GAS7: variants seen among roughly 807,000 people sequenced by gnomAD.
GAS7 encodes growth arrest specific 7.
GAS7 carries 28 observed loss-of-function variants against 71.1 expected under a neutral mutation model. The observed-to-expected ratio is 0.39, with a 90% CI of 0.29 to 0.54. The LOEUF is 0.54. GAS7 is among the 20% of genes least tolerant of loss of function. The pLI is 0.62. For missense variants in GAS7, 436 were observed against 627.8 expected (o/e 0.69, Z 3.27); for synonymous variants, 258 against 245.8 (o/e 1.05, Z -0.46).
chr17:9,974,836 C>A lies in GAS7; in HGVS notation c.386-5074G>T, dbSNP rs1347540779. On this transcript the variant is annotated intron_variant, in intron 3 of 13. Transcript: ENST00000432992. The surrounding 1 kb of genome is among the most constrained non-coding windows in gnomAD (Gnocchi z 4.0). ...CAAAGAAGCGCCAGCAGCTCCGCCA[C>A]CCAGGGCTCACCCCCACCCACAGCT... Among the ~76,000 whole-genome samples, 1 of 152,164 alleles carries A rather than the reference C, an allele frequency of 6.6e-6. No homozygotes were observed. Among genetic ancestry groups the A allele is most frequent in the Non-Finnish European group, 1.5e-5 (1 of 68,038 alleles).
intron 1 of GAS7, among the ~76,000 whole-genome samples, chr17:10,101,271 T>C (rs933080190): frequency 6.6e-6 from 1 of 152,204 alleles, no homozygotes; most frequent in Non-Finnish European, 1.5e-5. Context: ...GAGGAGAATC[T>C]GCTTCCAAAC....
intron 12 of GAS7, 59 bp from the exon 13 acceptor site, chr17:9,918,158 CCCA>C (rs2067659866): frequency 1.7e-6 from 2 of 1,187,818 alleles, no homozygotes; most frequent in Non-Finnish European, 2.5e-6. Context: ...TGGGGGTCCC[CCCA>C]CCAAGACCAC....
chr17:10,100,730 A>G (rs1433051476), intron 1 of GAS7, among the ~76,000 whole-genome samples: 2 of 152,198 alleles, frequency 1.3e-5, no homozygotes, highest in Non-Finnish European at 2.9e-5. Flanking sequence ...CGAAGTTTTT[A>G]GAATCAGAAA....
At chr17:10,092,635 T>C (rs907052400) in intron 1 of GAS7, among the ~76,000 whole-genome samples, 65 of 152,214 alleles carry the variant, frequency 4.3e-4, no homozygotes, top group Admixed American at 3.6e-3. Flanking sequence ...CACAAACCTC[T>C]TGGCTTCAAC....
chr17:10,150,486 T>C (rs2074156614), intron 1 of GAS7, among the ~76,000 whole-genome samples: 1 of 151,938 alleles, frequency 6.6e-6, no homozygotes, highest in Non-Finnish European at 1.5e-5. Context: ...GTAGTGGGCT[T>C]TTGAAATGTA....
At chr17:10,022,708 G>C (rs560384936) in intron 1 of GAS7, among the ~76,000 whole-genome samples, 1 of 152,342 alleles carries the variant, frequency 6.6e-6, no homozygotes, top group African/African-American at 2.4e-5. Context: ...CGCAATGAAT[G>C]GGGTTTTCCA....
chr17:10,174,856 C>G (rs1236158748), intron 1 of GAS7, among the ~76,000 whole-genome samples: 1 of 152,064 alleles, frequency 6.6e-6, no homozygotes, highest in African/African-American at 2.4e-5. Context: ...GCTCACATTC[C>G]TTTCTCTGAG....
At chr17:10,086,486 A>C (rs1314132610) in intron 1 of GAS7, among the ~76,000 whole-genome samples, 1 of 152,142 alleles carries the variant, frequency 6.6e-6, no homozygotes, top group Non-Finnish European at 1.5e-5. Flanking sequence ...ATTGTTAAGG[A>C]ATCTGGGTTT....
At chr17:10,110,922 C>T (rs530863730) in intron 1 of GAS7, among the ~76,000 whole-genome samples, 188 of 152,326 alleles carry the variant, frequency 1.2e-3, no homozygotes, top group South Asian at 8.3e-3. Flanking sequence ...AATACCCTGA[C>T]TTATCAATTA....
chr17:9,923,956 G>T lies in GAS7; in HGVS notation c.1138+1520C>A, dbSNP rs541193473. 1.9e-4 allele frequency among the ~76,000 whole-genome samples: 29 copies of T among 152,300 alleles called. 1 individual carries two copies. The Middle Eastern group carries it at 0.01, about 54-fold the overall frequency. On this transcript the variant is annotated intron_variant, in intron 11 of 13. Transcript: ENST00000432992. ...GGCCAGCCATTAAAAAGTTTGATAT[G>T]CATGAATGGATGGGCAAAAAGATTT...
At chr17:9,932,885 C>G (rs1282817980) in intron 9 of GAS7, among the ~76,000 whole-genome samples, 1 of 152,070 alleles carries the variant, frequency 6.6e-6, no homozygotes, top group African/African-American at 2.4e-5. Context: ...AAGAGGGATG[C>G]TTTATGGTCG....
chr17:10,014,984 T>C (rs2071933097), intron 2 of GAS7, among the ~76,000 whole-genome samples: 2 of 151,870 alleles, frequency 1.3e-5, no homozygotes, highest in Non-Finnish European at 2.9e-5. Context: ...TGAAACCCTG[T>C]CTCTACTAAA....
At chr17:10,114,219 T>C (rs11870046) in intron 1 of GAS7, among the ~76,000 whole-genome samples, 44,088 of 151,980 alleles carry the variant, frequency 0.29, 6,520 homozygotes, top group African/African-American at 0.32. Flanking sequence ...TGAGCCACCA[T>C]GCACTTTTCC....
intron 1 of GAS7, among the ~76,000 whole-genome samples, chr17:10,055,107 G>A (rs2073118363): frequency 6.6e-6 from 1 of 152,208 alleles, no homozygotes; most frequent in African/African-American, 2.4e-5. Context: ...GGGAACGGAG[G>A]AGGAAGCCAG....
chr17:10,137,508 G>A (rs1014822287), intron 1 of GAS7, among the ~76,000 whole-genome samples: 4 of 151,056 alleles, frequency 2.6e-5, no homozygotes, highest in African/African-American at 9.7e-5. Context: ...TATTCCCTGT[G>A]TCTAGAACAA....
At chr17:10,076,150 TGGGAAAGGGAAGGGGAAAGGGAAA>T (rs1472984374) in intron 1 of GAS7, among the ~76,000 whole-genome samples, 2 of 67,278 alleles carry the variant, frequency 3.0e-5, no homozygotes, top group Admixed American at 3.6e-4. Flanking sequence ...AGGGGGGGAA[TGGGAAAGGGAAGGGGAAAGGGAAA>T]GGGAAAGGGA....
At chr17:10,043,038 C>A (rs553690760) in intron 1 of GAS7, among the ~76,000 whole-genome samples, 1 of 152,162 alleles carries the variant, frequency 6.6e-6, no homozygotes, top group Non-Finnish European at 1.5e-5. Context: ...CTGGAGGCAT[C>A]TGCTCAGAGA....
intron 1 of GAS7, among the ~76,000 whole-genome samples, chr17:10,051,457 T>C (rs1244553483): frequency 6.6e-6 from 1 of 152,238 alleles, no homozygotes; most frequent in Non-Finnish European, 1.5e-5. Context: ...TTTGCGGGCC[T>C]AGAGCCCTCC....
intron 1 of GAS7, among the ~76,000 whole-genome samples, chr17:10,126,376 C>CA (rs1567602267): frequency 6.1e-5 from 3 of 49,578 alleles, no homozygotes; most frequent in Admixed American, 3.0e-4. Context: ...GCACACACAC[C>CA]CACACACTCA....
Sources: allele counts gnomAD v4.1 joint callset (sites outside exome capture counted in the v4.1 genomes callset), GRCh38; gene constraint gnomAD v4.1.1; non-coding constraint Gnocchi (gnomAD v3.1); transcripts MANE v1.5; gene names NCBI Gene and HGNC (gene_info 2026-07-23, HGNC 2026-07-21).